The following CTU2 variants were observed in gnomAD, a reference collection of about 807,000 sequenced individuals.
CTU2 encodes cytoplasmic tRNA 2-thiolation protein 2.
CTU2 carries 80 observed loss-of-function variants against 64.1 expected under a neutral mutation model. The observed-to-expected ratio is 1.25, with a 90% CI of 1.04 to 1.50. The LOEUF is 1.50. Ranked by LOEUF, CTU2 falls within the 40% of genes most tolerant of loss-of-function variation. CTU2 has a pLI of 0.00. For synonymous variants in CTU2, 482 were observed against 285.3 expected (o/e 1.69, Z -6.95); for missense variants, 1,110 against 690.2 (o/e 1.61, Z -6.81).
At position 88,712,590 on chromosome 16, in the gene CTU2, G is replaced by T. The variant is rs529726545; in HGVS notation, c.454-32G>T. 3 of 1,597,910 alleles carry T rather than the reference G, an allele frequency of 1.9e-6. 1 individual carries two copies. In the South Asian group the frequency reaches 3.4e-5, roughly 18 times the overall value. ...TGTGGGGGGCACCTGCCCGTGTCCC[G>T]GGCCTCACTGGCGTCTCCCTCATCC... On this transcript the variant is annotated intron_variant, in intron 6 of 14. Coordinates refer to ENST00000453996, the MANE Select transcript of CTU2 (RefSeq NM_001012759.3).
chr16:88,707,142 G>A lies in CTU2; in HGVS notation c.75G>A (p.Glu25=). Residue 25 remains glutamate, a synonymous_variant, in exon 2 of 15, where the codon GAG becomes GAA. Transcript: ENST00000453996. ...EPPPAPRPSR[E]QKCVKCKEAQ... ...CCCCCTCCCATCTCCAAAGCCGTGA[G>A]CAGAAGTGTGTGAAGTGCAAGGAAG... 6.2e-7 allele frequency: 1 copy of A among 1,613,902 alleles called. No homozygotes were observed. The highest frequency in any genetic ancestry group is 8.5e-7 in the Non-Finnish European group (1 of 1,179,932).
Position 88,707,163 on chromosome 16 carries a change from G to A in CTU2, c.96G>A (p.Lys32=). 1.2e-6 allele frequency: 2 copies of A among 1,613,980 alleles called. No homozygotes were observed. Among genetic ancestry groups the A allele is most frequent in the Non-Finnish European group, 1.7e-6 (2 of 1,179,982 alleles). The change falls in exon 2 of 15, where the codon AAG becomes AAA. Residue 32 remains lysine, a synonymous_variant. Transcript: ENST00000453996. ...PSREQKCVKC[K]EAQPVVVIRA... is the part of the protein sequence containing the mutation. ...GTGAGCAGAAGTGTGTGAAGTGCAA[G>A]GAAGCGCAGCCCGTTGTGGTGATAC...
Position 88,714,423 on chromosome 16 carries a change from G to C in CTU2, c.1138G>C (p.Ala380Pro), listed in dbSNP as rs1911699897. The change falls in exon 11 of 15, where the codon GCT (alanine) becomes CCT (proline). Residue 380 changes from alanine (A) to proline (P), a missense_variant. Transcript: ENST00000453996. ...GGTGAAGGGCCCCCGGGATGGCCCTGCTGCTGGCGACTCCGGCCCCCGCTG... is the reference window on the plus strand; with the variant it reads ...GGTGAAGGGCCCCCGGGATGGCCCTCCTGCTGGCGACTCCGGCCCCCGCTG... ...KLVKGPRDGP[A>P]AGDSGPRCLL... 6.2e-7 allele frequency: 1 copy of C among 1,612,566 alleles called. No homozygotes were observed. The highest frequency in any genetic ancestry group is 8.5e-7 in the Non-Finnish European group (1 of 1,179,830).
chr16:88,706,957 C>T (rs1465164605), intron 1 of CTU2, 179 bp from the exon 2 acceptor site: 4 of 643,728 alleles, frequency 6.2e-6, no homozygotes, highest in East Asian at 2.8e-5. Flanking sequence ...AACATCCCCC[C>T]AGAGCCTTTG....
intron 2 of CTU2, chr16:88,709,615 C>G: frequency 2.7e-6 from 1 of 376,008 alleles, no homozygotes; most frequent in South Asian, 3.1e-5. Flanking sequence ...CTAAGTCTGT[C>G]CACTCCACCA....
rs765883350 is a variant in CTU2 at position 88,714,161 on chromosome 16, G to A, written c.1031G>A (p.Arg344Gln). ...TKAPEKASIH[R>Q]LMEAFILRLQ... ...GCCCCTGAAAAGGCCAGCATCCACC[G>A]GCTGATGGAGGCCTTCATCCTCAGG... Residue 344 changes from arginine to glutamine, a missense_variant, in exon 10 of 15, where the codon CGG (arginine) becomes CAG (glutamine). Transcript: ENST00000453996. 42 of 1,612,598 alleles carry A rather than the reference G, an allele frequency of 2.6e-5. No individual in the cohort carries two copies. Among genetic ancestry groups the A allele is most frequent in the East Asian group, 1.3e-4 (6 of 44,882 alleles).
chr16:88,707,841 C>T (rs1311585096), intron 2 of CTU2, among the ~76,000 whole-genome samples: 1 of 151,442 alleles, frequency 6.6e-6, no homozygotes, highest in Non-Finnish European at 1.5e-5. Context: ...CTCCCTCTGT[C>T]ACCCAGGCTG....
chr16:88,707,292 A>C (rs926143649), intron 2 of CTU2, 82 bp downstream of exon 2: 1 of 1,280,310 alleles, frequency 7.8e-7, no homozygotes, highest in Admixed American at 1.7e-5. Context: ...ATGCTTTGTT[A>C]ATTCTTTTTA....
At position 88,709,959 on chromosome 16, in the gene CTU2, C is replaced by T. The variant is rs776269545; in HGVS notation, c.165C>T (p.Tyr55=). Residue 55 remains tyrosine, a synonymous_variant, in exon 3 of 15, where the codon TAC becomes TAT. Coordinates refer to ENST00000453996, the MANE Select transcript of CTU2 (RefSeq NM_001012759.3). ...AFCRDCFKAF[Y]VHKFRAMLGK... The stretch of plus-strand genomic sequence containing the variant: ...GCAGGGACTGTTTCAAGGCCTTCTA[C>T]GTCCACAAGTTCAGAGCCATGCTGG... 2.5e-5 allele frequency: 40 copies of T among 1,613,994 alleles called. No homozygotes were observed. Among genetic ancestry groups the T allele is most frequent in the Non-Finnish European group, 3.0e-5 (35 of 1,180,006 alleles).
intron 2 of CTU2, chr16:88,709,635 T>G: frequency 2.4e-6 from 1 of 416,654 alleles, no homozygotes; most frequent in Middle Eastern, 6.7e-4. Context: ...AGCTGGGCCC[T>G]TCTGAGCGCC....
At chr16:88,712,137 G>A (rs538324515) in intron 5 of CTU2, 137 bp from the exon 6 acceptor site, 182 of 788,542 alleles carry the variant, frequency 2.3e-4, no homozygotes, top group Admixed American at 1.1e-3. Context: ...GAAAATGGCC[G>A]ACACCCCACA....
Position 88,709,925 on chromosome 16 carries a change from G to T in CTU2, c.144-13G>T. On this transcript the variant is annotated splice_polypyrimidine_tract_variant and intron_variant, in intron 2 of 14. Coordinates refer to ENST00000453996, the MANE Select transcript of CTU2 (RefSeq NM_001012759.3). ...GTAGCAGGCGGTTCCCTCATCTCAGGTCTGTGTTGCAGGGACTGTTTCAAG... is the reference window on the plus strand; with the variant it reads ...GTAGCAGGCGGTTCCCTCATCTCAGTTCTGTGTTGCAGGGACTGTTTCAAG... The T allele has an allele frequency of 6.2e-7, 1 of 1,613,548 alleles. No individual in the cohort carries two copies. The highest frequency in any genetic ancestry group is 8.5e-7 in the Non-Finnish European group (1 of 1,179,636).
intron 9 of CTU2, 65 bp downstream of exon 9, chr16:88,713,843 C>G (rs1911602160): frequency 1.3e-6 from 2 of 1,593,144 alleles, no homozygotes; most frequent in African/African-American, 2.7e-5. Context: ...GTGGGCTGGG[C>G]AGCCTCTCAC....
At chr16:88,709,129 G>A (rs1213286172) in intron 2 of CTU2, 1 of 152,220 alleles carries the variant, frequency 6.6e-6, no homozygotes, top group Non-Finnish European at 1.5e-5. Flanking sequence ...ACAACAATTA[G>A]CTAGGCATGG....
intron 3 of CTU2, 52 bp downstream of exon 3, chr16:88,710,068 C>T (rs998125719): frequency 9.4e-6 from 15 of 1,596,962 alleles, no homozygotes; most frequent in East Asian, 6.7e-5. Context: ...CCTCGAGGTC[C>T]CTGCTTGTCC....
rs184752103 is a variant in CTU2 at position 88,707,627 on chromosome 16, G to T, written c.143+417G>T. Among the ~76,000 whole-genome samples, 4 of 152,288 alleles carry T rather than the reference G, an allele frequency of 2.6e-5. No individual in the cohort carries two copies. In the East Asian group the frequency reaches 7.7e-4, roughly 29 times the overall value. On this transcript the variant is annotated intron_variant, in intron 2 of 14. Transcript: ENST00000453996. ...GAGATGCTTGTTTCATCTGTGGCAGGATAGAGGCTTGGAAGACCTCTAGCT... is the reference window on the plus strand; with the variant it reads ...GAGATGCTTGTTTCATCTGTGGCAGTATAGAGGCTTGGAAGACCTCTAGCT...
Position 88,714,240 on chromosome 16 carries a change from G to A in CTU2, c.1097+13G>A. The A allele has an allele frequency of 6.2e-7, 1 of 1,603,500 alleles. No individual in the cohort carries two copies. The highest frequency in any genetic ancestry group is 8.5e-7 in the Non-Finnish European group (1 of 1,176,492). On this transcript the variant is annotated intron_variant, in intron 10 of 14. Coordinates refer to ENST00000453996, the MANE Select transcript of CTU2 (RefSeq NM_001012759.3). ...GCACTGTGTACAGGTGTGGGTGTGT[G>A]TGGGTGTGTGCGGGGGGTGCGCGGG...
intron 4 of CTU2, 120 bp from the exon 5 acceptor site, chr16:88,711,515 C>A: frequency 2.0e-6 from 2 of 1,010,414 alleles, no homozygotes; most frequent in Non-Finnish European, 2.9e-6. Flanking sequence ...AACGCAATGG[C>A]AGGGGAAGAC....
intron 4 of CTU2, among the ~76,000 whole-genome samples, chr16:88,711,138 TTC>T (rs1225741402): frequency 2.0e-5 from 3 of 152,124 alleles, no homozygotes; most frequent in Non-Finnish European, 4.4e-5. Flanking sequence ...GAAATTAGTT[TTC>T]TGTTTTCTGA....
Sources: gnomAD v4.1 joint callset for allele counts (sites outside exome capture counted in the v4.1 genomes callset) on GRCh38, gnomAD v4.1.1 for gene constraint, MANE v1.5 for transcripts, NCBI Gene and HGNC (gene_info 2026-07-23, HGNC 2026-07-21) for gene names.